FAM241A: variants seen among roughly 807,000 people sequenced by gnomAD.
FAM241A encodes family with sequence similarity 241 member A.
Under a neutral mutation model 12.2 loss-of-function variants are expected in FAM241A, and 7 were observed. The ratio of observed to expected loss-of-function variants is 0.58; its 90% CI spans 0.33 to 1.08. The LOEUF (loss-of-function observed/expected upper bound fraction) is 1.08. FAM241A is among the 50% of genes least tolerant of loss of function. FAM241A has a pLI of 0.04. For synonymous variants in FAM241A, 74 were observed against 68.2 expected (o/e 1.08, Z -0.42); for missense variants, 161 against 169.7 (o/e 0.95, Z 0.29).
chr4:112,187,285 T>G lies in FAM241A; in HGVS notation c.*347T>G, dbSNP rs1298441161. 1 of 174,586 alleles carries G rather than the reference T, an allele frequency of 5.7e-6. No homozygotes were observed. Among genetic ancestry groups the G allele is most frequent in the Non-Finnish European group, 1.2e-5 (1 of 83,382 alleles). 10.8% of individuals were successfully genotyped at this position (174,586 alleles called of 1,614,324 possible). ...TGGAATTCAAATCAAGCAATATAGT[T>G]CTTATAAAGAGTTCCAATAAAACAT... On this transcript the variant is annotated 3_prime_UTR_variant, in exon 2 of 2. Coordinates refer to ENST00000309733, the MANE Select transcript of FAM241A (RefSeq NM_152400.3).
rs1045385515 is a variant in FAM241A at position 112,145,521 on chromosome 4, C to G, written c.-60C>G. 2.5e-6 allele frequency: 3 copies of G among 1,206,986 alleles called. No individual in the cohort carries two copies. Among genetic ancestry groups the G allele is most frequent in the Admixed American group, 4.3e-5 (1 of 23,442 alleles). 74.8% of individuals were successfully genotyped at this position (1,206,986 alleles called of 1,614,324 possible). A position where few individuals can be genotyped will look rare whatever the true frequency, so the allele number is the denominator to read the frequency against. ...GGCAGCCTTCGGGCGGCGGCGCTGC[C>G]TGGTGCGTCGCGGCGTGGTCCTCCG... On this transcript the variant is annotated 5_prime_UTR_variant, in exon 1 of 2. Transcript: ENST00000309733.
intron 1 of FAM241A, among the ~76,000 whole-genome samples, chr4:112,168,745 A>G (rs1467449359): frequency 6.6e-6 from 1 of 151,996 alleles, no homozygotes; most frequent in African/African-American, 2.4e-5. Context: ...GCTCATTGCA[A>G]CTTCCACCTC....
In FAM241A at chr4:112,174,724, C is replaced by G. The variant is rs571947662; in HGVS notation, c.154-11969C>G. Among the ~76,000 whole-genome samples, 4 of 152,194 alleles carry G rather than the reference C, an allele frequency of 2.6e-5. No homozygotes were observed. The South Asian group carries it at 6.2e-4, about 24-fold the overall frequency. On this transcript the variant is annotated intron_variant, in intron 1 of 1. Transcript: ENST00000309733. ...GCAGGGCTCATGTGCTAGGCTGCAC[C>G]CTCTCAGGAGCAATTATGGTAGGAT... is the stretch of plus-strand genomic sequence containing the variant.
chr4:112,155,414 A>G (rs963249510), intron 1 of FAM241A, among the ~76,000 whole-genome samples: 7 of 152,084 alleles, frequency 4.6e-5, no homozygotes, highest in Non-Finnish European at 8.8e-5. Flanking sequence ...CCCCTCAAAA[A>G]AATCTTTTTT....
At chr4:112,184,763 T>C (rs892492125) in intron 1 of FAM241A, among the ~76,000 whole-genome samples, 87 of 152,316 alleles carry the variant, frequency 5.7e-4, no homozygotes, top group African/African-American at 1.9e-3. Context: ...TTTTTTTCAC[T>C]CTTCCCTTAA....
intron 1 of FAM241A, among the ~76,000 whole-genome samples, chr4:112,148,288 A>G (rs942785476): frequency 1.4e-4 from 22 of 152,138 alleles, no homozygotes; most frequent in African/African-American, 4.6e-4. Context: ...AAGCTCTTTC[A>G]TCAGCTTGTT....
intron 1 of FAM241A, among the ~76,000 whole-genome samples, chr4:112,160,681 C>A (rs1373621130): frequency 6.6e-6 from 1 of 152,152 alleles, no homozygotes; most frequent in Non-Finnish European, 1.5e-5. Context: ...GTAACCAAAA[C>A]AGTGTGGTAC....
chr4:112,162,617 T>C (rs557336721), intron 1 of FAM241A, among the ~76,000 whole-genome samples: 1 of 152,144 alleles, frequency 6.6e-6, no homozygotes, highest in African/African-American at 2.4e-5. Flanking sequence ...GTGAAGGACC[T>C]CTTCAAGGAG....
chr4:112,168,721 A>G (rs1259713663), intron 1 of FAM241A, among the ~76,000 whole-genome samples: 2 of 151,928 alleles, frequency 1.3e-5, no homozygotes, highest in Non-Finnish European at 2.9e-5. Context: ...CTGGAGTGCA[A>G]TGGCGCGATC....
Position 112,168,929 on chromosome 4 carries a change from C to T in FAM241A, c.154-17764C>T, listed in dbSNP as rs141041749. Among the ~76,000 whole-genome samples, 762 of 152,198 alleles carry T rather than the reference C, an allele frequency of 5.0e-3. 7 individuals carry two copies. The highest frequency in any genetic ancestry group is 0.017 in the African/African-American group (719 of 41,520). ...ATCCGCCTGCCTCGGCCTCCTGGAG[C>T]GCTGAGATTACAGGCGTGAGCCATG... On this transcript the variant is annotated intron_variant, in intron 1 of 1. Coordinates refer to ENST00000309733, the MANE Select transcript of FAM241A (RefSeq NM_152400.3).
At chr4:112,167,124 A>AT (rs1205698020) in intron 1 of FAM241A, among the ~76,000 whole-genome samples, 59 of 126,016 alleles carry the variant, frequency 4.7e-4, no homozygotes, top group African/African-American at 1.6e-3. Flanking sequence ...AAAAAAAAAA[A>AT]AAATAAAAAT....
At chr4:112,152,906 T>A (rs751570174) in intron 1 of FAM241A, among the ~76,000 whole-genome samples, 10 of 152,210 alleles carry the variant, frequency 6.6e-5, no homozygotes, top group Non-Finnish European at 1.3e-4. Context: ...GAGGATTCAG[T>A]CTCATTTTGT....
At chr4:112,186,650 C>T in intron 1 of FAM241A, 43 bp from the exon 2 acceptor site, 1 of 1,560,072 alleles carries the variant, frequency 6.4e-7, no homozygotes, top group Non-Finnish European at 8.7e-7. Context: ...TTACATATTT[C>T]TCATGTTATG....
chr4:112,163,245 A>G (rs1302509815), intron 1 of FAM241A, among the ~76,000 whole-genome samples: 1 of 152,246 alleles, frequency 6.6e-6, no homozygotes, highest in Non-Finnish European at 1.5e-5. Context: ...GAACATAGGC[A>G]TGGGCAAGGA....
intron 1 of FAM241A, among the ~76,000 whole-genome samples, chr4:112,181,230 A>G (rs1723936701): frequency 6.6e-6 from 1 of 152,174 alleles, no homozygotes; most frequent in South Asian, 2.1e-4. Context: ...AATGTCCACA[A>G]CAGAAATACT....
chr4:112,152,497 A>G (rs1296548182), intron 1 of FAM241A, among the ~76,000 whole-genome samples: 1 of 152,224 alleles, frequency 6.6e-6, no homozygotes, highest in Non-Finnish European at 1.5e-5. Flanking sequence ...CCTGTATTTT[A>G]AACAGAATTT....
At chr4:112,180,152 T>C (rs567370780) in intron 1 of FAM241A, among the ~76,000 whole-genome samples, 1 of 148,734 alleles carries the variant, frequency 6.7e-6, no homozygotes, top group African/African-American at 2.5e-5. Flanking sequence ...AGCTAAACAT[T>C]GGGTACTCAT....
At chr4:112,183,350 G>T (rs1322903097) in intron 1 of FAM241A, among the ~76,000 whole-genome samples, 1 of 151,822 alleles carries the variant, frequency 6.6e-6, no homozygotes, top group African/African-American at 2.4e-5. Flanking sequence ...GTCCTTACTG[G>T]GTCTTCAGCT....
At chr4:112,154,079 G>A (rs1465445859) in intron 1 of FAM241A, among the ~76,000 whole-genome samples, 1 of 152,072 alleles carries the variant, frequency 6.6e-6, no homozygotes, top group African/African-American at 2.4e-5. Context: ...GATGTTGCAT[G>A]ATTGCAAATT....
Sources: gnomAD v4.1 joint callset for allele counts (sites outside exome capture counted in the v4.1 genomes callset) on GRCh38, gnomAD v4.1.1 for gene constraint, MANE v1.5 for transcripts, NCBI Gene and HGNC (gene_info 2026-07-23, HGNC 2026-07-21) for gene names.